AMPH: variants seen among roughly 807,000 people sequenced by gnomAD.
AMPH encodes the protein amphiphysin.
AMPH carries 49 observed loss-of-function variants against 99.1 expected under a neutral mutation model. The observed-to-expected ratio is 0.49, with a 90% CI of 0.39 to 0.63. AMPH has a LOEUF of 0.63. AMPH is among the 20% of genes least tolerant of loss of function. AMPH has a pLI of 0.00. For missense variants in AMPH, 759 were observed against 863.4 expected, an observed-to-expected ratio of 0.88 and a Z score of 1.52; for synonymous variants, 314 against 317.3, an observed-to-expected ratio of 0.99 and a Z score of 0.11.
intron 10 of AMPH, 26 bp downstream of exon 10, chr7:38,462,949 C>T (rs761649976): frequency 5.2e-6 from 8 of 1,530,234 alleles, no homozygotes; most frequent in Non-Finnish European, 5.3e-6. Context: ...GAGCTCTATC[C>T]CCCAATATAT....
At chr7:38,410,691 G>A (rs916460666) in intron 17 of AMPH, among the ~76,000 whole-genome samples, 32 of 152,220 alleles carry the variant, frequency 2.1e-4, no homozygotes, top group African/African-American at 6.5e-4. Context: ...CTGGCACAGA[G>A]GGTAAAATGA....
intron 3 of AMPH, among the ~76,000 whole-genome samples, chr7:38,498,841 T>C (rs1197273553): frequency 1.3e-5 from 2 of 152,230 alleles, no homozygotes; most frequent in East Asian, 1.9e-4. Context: ...AGCACTTCTT[T>C]ATATAAATGC....
At position 38,436,265 on chromosome 7, in the gene AMPH, C is replaced by A. The variant is rs1403977155; in HGVS notation, c.1134+7G>T. 6.2e-7 allele frequency: 1 copy of A among 1,609,252 alleles called. No homozygotes were observed. The highest frequency in any genetic ancestry group is 1.3e-5 in the African/African-American group (1 of 74,806). On this transcript the variant is annotated splice_region_variant and intron_variant, in intron 12 of 20. Coordinates refer to ENST00000356264, the MANE Select transcript of AMPH (RefSeq NM_001635.4). ...ATATCTCCAAACATCCAAAAAGCAC[C>A]TGATACCTGAGACATGGGTGAGTGG...
chr7:38,449,297 C>T (rs1786915995), intron 11 of AMPH, among the ~76,000 whole-genome samples: 1 of 152,194 alleles, frequency 6.6e-6, no homozygotes, highest in South Asian at 2.1e-4. Context: ...GCTTACAATG[C>T]TGTCACACAT....
chr7:38,600,232 A>G (rs1793200207), intron 1 of AMPH, among the ~76,000 whole-genome samples: 2 of 152,136 alleles, frequency 1.3e-5, no homozygotes, highest in Admixed American at 6.5e-5. Context: ...TTTGAGAACA[A>G]TCTAGGCCAA....
chr7:38,415,206 T>A (rs1280591126), intron 17 of AMPH, among the ~76,000 whole-genome samples: 1 of 152,146 alleles, frequency 6.6e-6, no homozygotes, highest in Non-Finnish European at 1.5e-5. Flanking sequence ...CGTTAAAATT[T>A]CCCATGTTTG....
intron 1 of AMPH, among the ~76,000 whole-genome samples, chr7:38,536,909 T>C (rs893051193): frequency 6.6e-6 from 1 of 152,158 alleles, no homozygotes; most frequent in African/African-American, 2.4e-5. Context: ...ATTATGTATA[T>C]ATGTAAAAAG....
intron 11 of AMPH, among the ~76,000 whole-genome samples, chr7:38,440,832 A>G (rs1786478324): frequency 6.6e-6 from 1 of 152,174 alleles, no homozygotes; most frequent in South Asian, 2.1e-4. Flanking sequence ...TTCAATTAAT[A>G]CAAAAGAAAG....
At chr7:38,492,892 A>C (rs1335187378) in intron 4 of AMPH, among the ~76,000 whole-genome samples, 1 of 152,198 alleles carries the variant, frequency 6.6e-6, no homozygotes, top group Non-Finnish European at 1.5e-5. Context: ...ACTAATTAGA[A>C]ATTTACAAAG....
intron 17 of AMPH, among the ~76,000 whole-genome samples, chr7:38,402,422 C>A (rs982794640): frequency 1.3e-5 from 2 of 152,142 alleles, no homozygotes; most frequent in Non-Finnish European, 2.9e-5. Flanking sequence ...TATTTACTTG[C>A]TTAGTTTTCT....
rs1035622604 is a variant in AMPH, at chr7:38,423,084, T to G, written c.1216-607A>C. On this transcript the variant is annotated intron_variant, in intron 15 of 20. Coordinates refer to ENST00000356264, the MANE Select transcript of AMPH (RefSeq NM_001635.4). ...GAGGCCACTGGCTTCAGGGGCATCT[T>G]TAGTCCACAGCTTCTCTTCTGGCCG... 2.6e-5 allele frequency among the ~76,000 whole-genome samples: 4 copies of G among 152,230 alleles called. No individual in the cohort carries two copies. The East Asian group carries it at 7.7e-4, about 29-fold the overall frequency.
intron 1 of AMPH, among the ~76,000 whole-genome samples, chr7:38,584,784 A>G (rs1264801721): frequency 2.6e-5 from 4 of 152,218 alleles, no homozygotes; most frequent in African/African-American, 7.2e-5. Context: ...TCACTGCCTC[A>G]GCAGAGACCT....
chr7:38,436,509 T>C, intron 11 of AMPH, 121 bp from the exon 12 acceptor site: 3 of 742,486 alleles, frequency 4.0e-6, no homozygotes, highest in Middle Eastern at 3.6e-4. Context: ...AACACACTTT[T>C]ATAAGCATGG....
chr7:38,464,996 T>G (rs1299203558), intron 9 of AMPH, among the ~76,000 whole-genome samples: 2 of 151,926 alleles, frequency 1.3e-5, no homozygotes, highest in Non-Finnish European at 2.9e-5. Flanking sequence ...AGATCAAGAG[T>G]CAGGAGGTAA....
chr7:38,422,554 G>A (rs1021509451), intron 15 of AMPH, 77 bp from the exon 16 acceptor site: 9 of 784,522 alleles, frequency 1.1e-5, no homozygotes, highest in Admixed American at 2.2e-5. Flanking sequence ...GTCTGCCTAC[G>A]TATCTATCTA....
At chr7:38,487,559 C>T (rs1445145530) in intron 5 of AMPH, among the ~76,000 whole-genome samples, 1 of 152,074 alleles carries the variant, frequency 6.6e-6, no homozygotes, top group Non-Finnish European at 1.5e-5. Context: ...AGACCTAAAA[C>T]TATAAAAACC....
At chr7:38,386,469 A>T (rs564764023) in intron 20 of AMPH, among the ~76,000 whole-genome samples, 22 of 152,332 alleles carry the variant, frequency 1.4e-4, no homozygotes, top group African/African-American at 5.1e-4. Context: ...AATCTGAAAG[A>T]CAACTTGTAA....
intron 16 of AMPH, among the ~76,000 whole-genome samples, chr7:38,419,254 T>C (rs2128987836): frequency 6.6e-6 from 1 of 152,226 alleles, no homozygotes; most frequent in South Asian, 2.1e-4. Context: ...AGAGAAGTGC[T>C]GGAAAAGTTA....
chr7:38,446,483 T>C (rs1562761050), intron 11 of AMPH, among the ~76,000 whole-genome samples: 11 of 150,330 alleles, frequency 7.3e-5, no homozygotes. Flanking sequence ...TGATATGTGC[T>C]ACAACATTAA....
Sources: gnomAD v4.1 joint callset for allele counts (sites outside exome capture counted in the v4.1 genomes callset) on GRCh38, gnomAD v4.1.1 for gene constraint, MANE v1.5 for transcripts, NCBI Gene and HGNC (gene_info 2026-07-23, HGNC 2026-07-21) for gene names.